The following CD1B variants were observed in gnomAD, a reference collection of about 807,000 sequenced individuals.
The protein encoded by CD1B is T-cell surface glycoprotein CD1b.
CD1B carries 43 observed loss-of-function variants against 39.8 expected under a neutral mutation model. That is an observed-to-expected ratio of 1.08 (90% CI 0.85 to 1.39). The LOEUF (loss-of-function observed/expected upper bound fraction) is 1.39. Among genes scored for constraint, CD1B ranks in the 40% most tolerant of loss-of-function variants. The pLI, the probability that CD1B is intolerant of heterozygous loss-of-function variation, is 0.00. For synonymous variants in CD1B, 192 were observed against 152.5 expected (o/e 1.26, Z -1.91); for missense variants, 495 against 403.8 (o/e 1.23, Z -1.94).
At chr1:158,290,922 G>T in the CD1B span, among the ~76,000 whole-genome samples, 1 of 152,048 alleles carries the variant, frequency 6.6e-6, no homozygotes, top group African/African-American at 2.4e-5. Context: ...AAGCCAGAAT[G>T]GTTGCCATTT....
chr1:158,315,080 A>C, the CD1B span, among the ~76,000 whole-genome samples: 1 of 150,764 alleles, frequency 6.6e-6, no homozygotes, highest in African/African-American at 2.5e-5. Flanking sequence ...GGTTGGTTCC[A>C]AGTCTTTGCT....
chr1:158,298,298 T>C, the CD1B span, among the ~76,000 whole-genome samples: 112 of 152,274 alleles, frequency 7.4e-4, 4 homozygotes, highest in South Asian at 0.023. Context: ...ATAATGGTGG[T>C]AGACTTCAAC....
chr1:158,327,056 C>A (rs112606183), downstream of CD1B, among the ~76,000 whole-genome samples: 701 of 152,322 alleles, frequency 4.6e-3, 2 homozygotes, highest in African/African-American at 0.016. Flanking sequence ...CTCGGCCTCC[C>A]AAAGTGCTGG....
At chr1:158,290,098 C>T in the CD1B span, 1 of 1,613,912 alleles carries the variant, frequency 6.2e-7, no homozygotes, top group Non-Finnish European at 8.5e-7. Flanking sequence ...GCTAGCTCTT[C>T]TTCTCCCAGG....
the CD1B span, among the ~76,000 whole-genome samples, chr1:158,299,538 T>C: frequency 7.9e-5 from 12 of 152,186 alleles, no homozygotes; most frequent in African/African-American, 2.9e-4. Context: ...TTTCTATTGA[T>C]TGGAATAGTT....
chr1:158,313,209 A>G, the CD1B span, among the ~76,000 whole-genome samples: 2 of 152,286 alleles, frequency 1.3e-5, no homozygotes, highest in East Asian at 3.9e-4. Context: ...ACTTGATTTT[A>G]AAGGCTGGTC....
chr1:158,328,097 T>C lies in CD1B; in HGVS notation c.*139A>G, dbSNP rs3176846. On this transcript the variant is annotated 3_prime_UTR_variant, in exon 6 of 6. Transcript: ENST00000368168. Reference sequence around the variant, plus strand: ...TACTTTTTTGCTGATGTTTAAATAATAATTTATTTTAAAATACATGAAAAC... The same window carrying C: ...TACTTTTTTGCTGATGTTTAAATAACAATTTATTTTAAAATACATGAAAAC... The C allele has an allele frequency of 0.035, 24,048 of 695,828 alleles. 1,700 individuals carry two copies. The highest frequency in any genetic ancestry group is 0.22 in the African/African-American group (12,222 of 55,272). 43.1% of individuals were successfully genotyped at this position (695,828 alleles called of 1,614,324 possible).
the CD1B span, chr1:158,292,623 G>T: frequency 2.5e-6 from 4 of 1,612,814 alleles, no homozygotes; most frequent in Admixed American, 3.3e-5. Flanking sequence ...CTGTCCAGTC[G>T]CCCCAGCCTT....
the CD1B span, among the ~76,000 whole-genome samples, chr1:158,299,824 G>A: frequency 2.0e-5 from 3 of 152,142 alleles, no homozygotes; most frequent in East Asian, 1.9e-4. Flanking sequence ...TGTGGGATCA[G>A]TGGTGATATC....
At chr1:158,308,177 C>T in the CD1B span, among the ~76,000 whole-genome samples, 1 of 152,152 alleles carries the variant, frequency 6.6e-6, no homozygotes, top group Non-Finnish European at 1.5e-5. Flanking sequence ...CACAAGCATT[C>T]TTACACACCA....
the CD1B span, among the ~76,000 whole-genome samples, chr1:158,316,082 C>G: frequency 6.6e-6 from 1 of 151,902 alleles, no homozygotes; most frequent in Non-Finnish European, 1.5e-5. Flanking sequence ...AGTTTGAAGT[C>G]AGGTAGTGTG....
At chr1:158,317,293 G>A in the CD1B span, among the ~76,000 whole-genome samples, 1 of 151,976 alleles carries the variant, frequency 6.6e-6, no homozygotes, top group Non-Finnish European at 1.5e-5. Flanking sequence ...ATCTGGTCCT[G>A]GACTCTTTTT....
chr1:158,329,064 G>T (rs770689342), intron 4 of CD1B, 50 bp from the exon 5 acceptor site: 1 of 1,468,702 alleles, frequency 6.8e-7, no homozygotes, highest in South Asian at 1.2e-5. Context: ...ACTATACACA[G>T]AATTCCTTGG....
the CD1B span, among the ~76,000 whole-genome samples, chr1:158,294,279 C>T: frequency 1.3e-5 from 2 of 152,206 alleles, no homozygotes; most frequent in Non-Finnish European, 2.9e-5. Context: ...TCCTAAAGGA[C>T]TGTGTTATCT....
the CD1B span, among the ~76,000 whole-genome samples, chr1:158,317,930 C>T: frequency 2.0e-5 from 3 of 152,320 alleles, no homozygotes; most frequent in African/African-American, 7.2e-5. Context: ...ACCCAGTAGT[C>T]ATTCAGAAGC....
the CD1B span, among the ~76,000 whole-genome samples, chr1:158,305,737 C>T: frequency 6.6e-6 from 1 of 152,000 alleles, no homozygotes; most frequent in Non-Finnish European, 1.5e-5. Flanking sequence ...GATCTCTCAG[C>T]AGAAACTCTA....
intron 1 of CD1B, 127 bp downstream of exon 1, chr1:158,331,236 G>C: frequency 9.3e-7 from 1 of 1,080,554 alleles, no homozygotes; most frequent in Non-Finnish European, 1.4e-6. Context: ...CCACCAGAAT[G>C]GTTGAAGAGG....
In CD1B at chr1:158,329,988, G is replaced by C; in HGVS notation, c.471C>G (p.Ser157Arg). Residue 157 changes from serine (S) to arginine (R), a missense_variant, in exon 3 of 6, where the codon AGC (serine) becomes AGG (arginine). Coordinates refer to ENST00000368168, the MANE Select transcript of CD1B (RefSeq NM_001764.3). ...TTAGTGCACAGAATTTCTGTGCCCT[G>C]CTGCCACCTTCTGGGGAAGGCACAC... ...ASCVPSPEGG[S>R]RAQKFCALII... The C allele has an allele frequency of 1.2e-6, 2 of 1,614,052 alleles. No individual in the cohort carries two copies. The highest frequency in any genetic ancestry group is 8.5e-7 in the Non-Finnish European group (1 of 1,179,994).
At chr1:158,322,385 A>G in the CD1B span, among the ~76,000 whole-genome samples, 1 of 151,242 alleles carries the variant, frequency 6.6e-6, no homozygotes, top group African/African-American at 2.4e-5. Context: ...TACAGACACA[A>G]GCCACCATGG....
Sources: allele counts gnomAD v4.1 joint callset (sites outside exome capture counted in the v4.1 genomes callset), GRCh38; gene constraint gnomAD v4.1.1; transcripts MANE v1.5; gene names NCBI Gene and HGNC (gene_info 2026-07-23, HGNC 2026-07-21).